Variants in KIAA1217 observed in about 807,000 individuals in gnomAD.
The protein encoded by KIAA1217 is sickle tail protein homolog.
KIAA1217 carries 88 observed loss-of-function variants against 163.9 expected under a neutral mutation model. That is an observed-to-expected ratio of 0.54 (90% CI 0.45 to 0.64). KIAA1217 has a LOEUF of 0.64. Ranked by LOEUF, KIAA1217 falls within the 30% of genes least tolerant of loss-of-function variation. KIAA1217 has a pLI of 0.00. For synonymous variants in KIAA1217, 903 were observed against 923.1 expected (o/e 0.98, Z 0.39); for missense variants, 2,372 against 2,475.0 (o/e 0.96, Z 0.88).
At chr10:24,371,052 G>C (rs1045885657) in intron 2 of KIAA1217, among the ~76,000 whole-genome samples, 5 of 152,244 alleles carry the variant, frequency 3.3e-5, no homozygotes, top group Non-Finnish European at 7.3e-5. Context: ...GGAGATCATA[G>C]TTGAGCTAGG....
intron 1 of KIAA1217, among the ~76,000 whole-genome samples, chr10:23,837,109 G>A (rs140295382): frequency 4.9e-4 from 75 of 152,208 alleles, no homozygotes; most frequent in African/African-American, 1.6e-3. Context: ...AGAACATGCC[G>A]TGTTTGACTT....
chr10:24,396,975 G>A (rs1298493418), intron 3 of KIAA1217, among the ~76,000 whole-genome samples: 1 of 152,166 alleles, frequency 6.6e-6, no homozygotes, highest in Non-Finnish European at 1.5e-5. Flanking sequence ...AATAATCCAG[G>A]AAGATGGGAG....
intron 2 of KIAA1217, among the ~76,000 whole-genome samples, chr10:24,187,693 C>T (rs908319193): frequency 6.6e-6 from 1 of 151,808 alleles, no homozygotes; most frequent in East Asian, 1.9e-4. Flanking sequence ...GAGTTCGAGA[C>T]CAGCCTGACC....
At chr10:24,438,281 G>T (rs544651769) in intron 4 of KIAA1217, 105 bp from the exon 5 acceptor site, 4 of 761,238 alleles carry the variant, frequency 5.3e-6, no homozygotes, top group South Asian at 3.2e-5. Flanking sequence ...ATAGCCTTTG[G>T]ATTGTCTGTT....
intron 2 of KIAA1217, among the ~76,000 whole-genome samples, chr10:24,335,654 G>A (rs1310345010): frequency 1.3e-5 from 2 of 149,626 alleles, no homozygotes; most frequent in Admixed American, 1.3e-4. Context: ...CTGTCGCCCA[G>A]GCTGGAGTGC....
In KIAA1217 at chr10:24,495,162, A is replaced by G. The variant is rs767738467; in HGVS notation, c.1800A>G (p.Lys600=). 1 of 1,613,450 alleles carries G rather than the reference A, an allele frequency of 6.2e-7. No homozygotes were observed. Among genetic ancestry groups the G allele is most frequent in the Non-Finnish European group, 8.5e-7 (1 of 1,179,838 alleles). ...TTTTATTCAGCGAGAAAATGATGAA[A>G]ACCACAGCCAACAGGAACCACACAG... ...SKDASSEKMM[K]TTANRNHTDS... is the part of the protein sequence containing the mutation. Residue 600 remains lysine (K), a synonymous_variant, in exon 8 of 21, where the codon AAA becomes AAG. Transcript: ENST00000376454.
At chr10:24,071,138 A>G (rs2131628629) in intron 2 of KIAA1217, among the ~76,000 whole-genome samples, 1 of 152,316 alleles carries the variant, frequency 6.6e-6, no homozygotes, top group Middle Eastern at 3.4e-3. Flanking sequence ...ACTGAAGATA[A>G]TATGAAGCTT....
intron 5 of KIAA1217, among the ~76,000 whole-genome samples, chr10:24,468,142 A>G (rs1024593108): frequency 5.3e-5 from 8 of 152,154 alleles, no homozygotes; most frequent in African/African-American, 1.7e-4. Flanking sequence ...TTTTTATTGC[A>G]AGTGTGACCT....
chr10:24,466,577 C>T (rs181073046), intron 5 of KIAA1217: 1 of 985,070 alleles, frequency 1.0e-6, no homozygotes, highest in African/African-American at 1.7e-5. Flanking sequence ...ACGAAATGGT[C>T]TTTATTGGTT....
intron 2 of KIAA1217, among the ~76,000 whole-genome samples, chr10:24,097,218 T>A (rs74123632): frequency 0.051 from 7,776 of 152,222 alleles, 279 homozygotes; most frequent in African/African-American, 0.098. Context: ...ATCTGATGAC[T>A]AGTTGTACTT....
chr10:23,895,838 T>C (rs1021398725), intron 1 of KIAA1217, among the ~76,000 whole-genome samples: 43 of 151,810 alleles, frequency 2.8e-4, no homozygotes, highest in African/African-American at 8.5e-4. Flanking sequence ...TCATGTCCTT[T>C]GTAGGGACAT....
intron 2 of KIAA1217, among the ~76,000 whole-genome samples, chr10:24,313,271 A>G (rs1052584961): frequency 6.6e-6 from 1 of 152,210 alleles, no homozygotes; most frequent in Non-Finnish European, 1.5e-5. Context: ...GGACAATGAC[A>G]GGAGCCCTCA....
At chr10:23,825,720 G>A (rs1837865236) in intron 1 of KIAA1217, among the ~76,000 whole-genome samples, 1 of 152,150 alleles carries the variant, frequency 6.6e-6, no homozygotes, top group Admixed American at 6.6e-5. Context: ...TAGTGGATAA[G>A]AGAAATATTC....
At chr10:24,334,438 TGGAAGGAAGGAAGGAAGGAAGGAA>T (rs60016533) in intron 2 of KIAA1217, among the ~76,000 whole-genome samples, 1 of 82,202 alleles carries the variant, frequency 1.2e-5, no homozygotes, top group African/African-American at 3.5e-5. Context: ...GAGGGAAGGA[TGGAAGGAAGGAAGGAAGGAAGGAA>T]GGAAGGAAGG....
intron 2 of KIAA1217, among the ~76,000 whole-genome samples, chr10:24,256,257 G>A (rs1266418924): frequency 1.3e-5 from 2 of 152,114 alleles, no homozygotes; most frequent in Non-Finnish European, 2.9e-5. Flanking sequence ...GATCTGGCTT[G>A]GAGCCCATAG....
At chr10:23,847,208 T>C (rs1564471500) in intron 1 of KIAA1217, among the ~76,000 whole-genome samples, 1 of 152,176 alleles carries the variant, frequency 6.6e-6, no homozygotes, top group African/African-American at 2.4e-5. Flanking sequence ...CTTTTTGTTG[T>C]GTCTCTGTCA....
chr10:24,059,330 G>A (rs2060634710), intron 2 of KIAA1217, among the ~76,000 whole-genome samples: 4 of 151,944 alleles, frequency 2.6e-5, no homozygotes, highest in Admixed American at 6.6e-5. Context: ...ATATGGGCCC[G>A]CAATTTTCTT....
intron 2 of KIAA1217, among the ~76,000 whole-genome samples, chr10:24,106,836 C>A (rs898596336): frequency 2.0e-5 from 3 of 151,934 alleles, no homozygotes; most frequent in African/African-American, 7.3e-5. Flanking sequence ...ATCACCAATT[C>A]TTTTTTGTTG....
rs368934080 is a variant in KIAA1217, at chr10:24,524,603, G to A, written c.2737G>A (p.Val913Met). The A allele has an allele frequency of 1.9e-5, 31 of 1,613,864 alleles. No individual in the cohort carries two copies. The highest frequency in any genetic ancestry group is 4.4e-5 in the South Asian group (4 of 91,086). Reference protein sequence around the residue: ...LLNPAQNLPHVASSPAVPQEA... With the variant: ...LLNPAQNLPHMASSPAVPQEA... ...GAACCCTGCTCAGAACTTGCCTCAC[G>A]TGGCCAGCTCCCCAGCCGTCCCCCA... is the stretch of plus-strand genomic sequence containing the variant. Residue 913 changes from valine (V) to methionine (M), a missense_variant, in exon 13 of 21, where the codon GTG becomes ATG. By Grantham distance (21) the Val-to-Met change is conservative (BLOSUM62 1). Around this residue, in one of 3 missense-constraint regions of KIAA1217, gnomAD observed 1,431 missense variants for 1,470.3 expected, o/e 0.97. Coordinates refer to ENST00000376454, the MANE Select transcript of KIAA1217 (RefSeq NM_019590.5).
Sources: gnomAD v4.1 joint callset for allele counts (sites outside exome capture counted in the v4.1 genomes callset) on GRCh38, gnomAD v4.1.1 for gene constraint, gnomAD v4.1.1 regional missense constraint, MANE v1.5 for transcripts, NCBI Gene and HGNC (gene_info 2026-07-23, HGNC 2026-07-21) for gene names.